LIPA: variants seen among roughly 807,000 people sequenced by gnomAD.
The protein encoded by LIPA is lysosomal acid lipase/cholesteryl ester hydrolase.
Under a neutral mutation model 40.6 loss-of-function variants are expected in LIPA, and 26 were observed. The observed-to-expected ratio is 0.64, with a 90% CI of 0.47 to 0.89. The LOEUF (loss-of-function observed/expected upper bound fraction) is 0.89. Ranked by LOEUF, LIPA falls within the 40% of genes least tolerant of loss-of-function variation. The pLI, the probability that LIPA is intolerant of heterozygous loss-of-function variation, is 0.00. For synonymous variants in LIPA, 188 were observed against 168.4 expected, an observed-to-expected ratio of 1.12 and a Z score of -0.90; for missense variants, 455 against 479.6, an observed-to-expected ratio of 0.95 and a Z score of 0.48.
At chr10:89,409,769 A>G (rs1024338747) in intron 2 of LIPA, among the ~76,000 whole-genome samples, 1 of 152,342 alleles carries the variant, frequency 6.6e-6, no homozygotes, top group Non-Finnish European at 1.5e-5. Flanking sequence ...CCACCTCCTC[A>G]GATGTAATTG....
chr10:89,311,933 T>C (rs935572305), intron 1 of LIPA, among the ~76,000 whole-genome samples: 4 of 152,190 alleles, frequency 2.6e-5, no homozygotes, highest in Non-Finnish European at 5.9e-5. Context: ...GGAATCTGTA[T>C]GACGGAAATC....
At chr10:89,232,243 A>C (rs1316374021) in intron 3 of LIPA, among the ~76,000 whole-genome samples, 5 of 152,158 alleles carry the variant, frequency 3.3e-5, no homozygotes, top group African/African-American at 1.2e-4. Flanking sequence ...GGTGCCCAAC[A>C]CTTTCTAGAA....
chr10:89,224,229 C>G (rs1842738003), intron 6 of LIPA, among the ~76,000 whole-genome samples: 1 of 152,200 alleles, frequency 6.6e-6, no homozygotes, highest in African/African-American at 2.4e-5. Flanking sequence ...AGAGGTGTGC[C>G]CATCTAATTC....
At chr10:89,254,740 T>C (rs1210249052), upstream of LIPA, among the ~76,000 whole-genome samples, 1 of 152,218 alleles carries the variant, frequency 6.6e-6, no homozygotes, top group Non-Finnish European at 1.5e-5. Context: ...AAAACTGAAT[T>C]CTTTTAACAG....
intron 2 of LIPA, chr10:89,403,818 G>A (rs544662751): frequency 8.1e-5 from 53 of 655,546 alleles, no homozygotes; most frequent in South Asian, 5.7e-4. Flanking sequence ...TCACTGTAAT[G>A]ATGTAATTCT....
intron 2 of LIPA, among the ~76,000 whole-genome samples, chr10:89,374,263 G>A (rs1029339734): frequency 6.6e-6 from 1 of 152,142 alleles, no homozygotes; most frequent in African/African-American, 2.4e-5. Context: ...TCTACAAGTA[G>A]GCATCCTGCC....
chr10:89,258,266 A>T (rs1251503112), intron 1 of LIPA, among the ~76,000 whole-genome samples: 1 of 152,230 alleles, frequency 6.6e-6, no homozygotes, highest in East Asian at 1.9e-4. Flanking sequence ...CCCTTAAGTC[A>T]TAGAAAAATT....
In LIPA at chr10:89,214,493, G is replaced by T; in HGVS notation, c.*335C>A. 1 of 245,392 alleles carries T rather than the reference G, an allele frequency of 4.1e-6. No homozygotes were observed. Among genetic ancestry groups the T allele is most frequent in the South Asian group, 5.0e-5 (1 of 20,030 alleles). 15.2% of individuals were successfully genotyped at this position (245,392 alleles called of 1,614,324 possible). A position where few individuals can be genotyped will look rare whatever the true frequency, so the allele number is the denominator to read the frequency against. The stretch of plus-strand genomic sequence containing the variant: ...AAAATTCCAACACATATATTACTTT[G>T]TCCTATGAAGGGCAAAAAGTCAATA... On this transcript the variant is annotated 3_prime_UTR_variant, in exon 10 of 10. Coordinates refer to ENST00000336233, the MANE Select transcript of LIPA (RefSeq NM_000235.4).
intron 7 of LIPA, among the ~76,000 whole-genome samples, 178 bp from the exon 8 acceptor site, chr10:89,222,760 C>T (rs535570175): frequency 1.3e-5 from 2 of 152,142 alleles, no homozygotes; most frequent in Non-Finnish European, 2.9e-5. Context: ...ATACATACAA[C>T]CACATACAAA....
intron 8 of LIPA, among the ~76,000 whole-genome samples, chr10:89,217,807 A>T (rs1003289422): frequency 6.6e-6 from 1 of 152,254 alleles, no homozygotes; most frequent in African/African-American, 2.4e-5. Flanking sequence ...AACAGACTTC[A>T]CATAAACCAA....
In LIPA at chr10:89,247,658, T is replaced by C. The variant is rs1335408716; in HGVS notation, c.-1-9A>G. 9 of 1,540,214 alleles carry C rather than the reference T, an allele frequency of 5.8e-6. No individual in the cohort carries two copies. The South Asian group carries it at 1.0e-4, about 17-fold the overall frequency. ...AGAACCGCATTTTCATTCTGTATAA[T>C]AAAACAGTCTATTATTATTTGCTTG... On this transcript the variant is annotated splice_polypyrimidine_tract_variant and intron_variant, in intron 1 of 9. Coordinates refer to ENST00000336233, the MANE Select transcript of LIPA (RefSeq NM_000235.4).
intron 2 of LIPA, chr10:89,403,028 C>CTA: frequency 6.2e-7 from 1 of 1,614,212 alleles, no homozygotes; most frequent in Non-Finnish European, 8.5e-7. Flanking sequence ...CCTCACAGAC[C>CTA]TATGTCTTTC....
intron 1 of LIPA, among the ~76,000 whole-genome samples, chr10:89,265,262 T>A (rs543873352): frequency 1.3e-5 from 2 of 152,080 alleles, no homozygotes; most frequent in South Asian, 2.1e-4. Flanking sequence ...ACTGCAGGGA[T>A]GCCTAGGTCT....
upstream of LIPA, among the ~76,000 whole-genome samples, chr10:89,344,018 T>A (rs1050903939): frequency 2.0e-5 from 3 of 152,188 alleles, no homozygotes; most frequent in African/African-American, 7.2e-5. Flanking sequence ...CCACTTAGTA[T>A]CTCTACAGTG....
intron 1 of LIPA, among the ~76,000 whole-genome samples, chr10:89,310,015 T>C (rs1843506987): frequency 6.6e-6 from 1 of 152,198 alleles, no homozygotes; most frequent in East Asian, 1.9e-4. Context: ...TCAACACCCA[T>C]ATCCATCAAT....
At chr10:89,362,267 C>T (rs1420992310) in intron 2 of LIPA, 6 of 152,346 alleles carry the variant, frequency 3.9e-5, no homozygotes, top group African/African-American at 1.4e-4. Flanking sequence ...GAAAATCACG[C>T]AAATACTTCC....
chr10:89,343,065 A>G (rs949945520), upstream of LIPA, among the ~76,000 whole-genome samples: 1 of 152,230 alleles, frequency 6.6e-6, no homozygotes, highest in Non-Finnish European at 1.5e-5. Context: ...GGGTAAAAGG[A>G]GGTAGGTAAT....
chr10:89,270,527 C>G (rs1257120550), intron 1 of LIPA, among the ~76,000 whole-genome samples: 3 of 152,176 alleles, frequency 2.0e-5, no homozygotes, highest in Non-Finnish European at 4.4e-5. Flanking sequence ...TATATCCTTT[C>G]CAATATGAAG....
rs373499946 is a variant in LIPA, at chr10:89,228,257, G to A, written c.371C>T (p.Thr124Ile). Reference protein sequence around the residue: ...DVWMGNSRGNTWSRKHKTLSV... With the variant: ...DVWMGNSRGNIWSRKHKTLSV... The stretch of plus-strand genomic sequence containing the variant: ...GAGTGTCTTATGTTTCCGAGACCAG[G>A]TATTTCCTCTGCTGTTGCCCATCCA... Residue 124 changes from threonine to isoleucine, a missense_variant, in exon 4 of 10, where the codon ACC (threonine) becomes ATC (isoleucine). Physicochemically the swap from Thr to Ile is moderately conservative, Grantham distance 89. Coordinates refer to ENST00000336233, the MANE Select transcript of LIPA (RefSeq NM_000235.4). 24 of 1,614,032 alleles carry A rather than the reference G, an allele frequency of 1.5e-5. No individual in the cohort carries two copies. Among genetic ancestry groups the A allele is most frequent in the Non-Finnish European group, 1.9e-5 (23 of 1,180,020 alleles).
Sources: gnomAD v4.1 joint callset for allele counts (sites outside exome capture counted in the v4.1 genomes callset) on GRCh38, gnomAD v4.1.1 for gene constraint, MANE v1.5 for transcripts, NCBI Gene and HGNC (gene_info 2026-07-23, HGNC 2026-07-21) for gene names.